CDH13: variants seen among roughly 807,000 people sequenced by gnomAD.
The protein encoded by CDH13 is cadherin-13.
Under a neutral mutation model 63.8 loss-of-function variants are expected in CDH13, and 24 were observed. That is an observed-to-expected ratio of 0.38 (90% CI 0.27 to 0.53). The LOEUF is 0.53. CDH13 is among the 20% of genes least tolerant of loss of function. The pLI, the probability that CDH13 is intolerant of heterozygous loss-of-function variation, is 0.85. For missense variants in CDH13, 1,049 were observed against 903.1 expected, an observed-to-expected ratio of 1.16 and a Z score of -2.07; for synonymous variants, 503 against 355.3, an observed-to-expected ratio of 1.42 and a Z score of -4.67.
intron 1 of CDH13, among the ~76,000 whole-genome samples, chr16:82,852,969 TA>T (rs374374831): frequency 0.034 from 5,198 of 151,522 alleles, 127 homozygotes; most frequent in South Asian, 0.065. Context: ...CCTGTCAGGA[TA>T]AAAAAAAACC....
intron 2 of CDH13, chr16:82,884,146 G>C (rs912512367): frequency 2.2e-5 from 10 of 454,920 alleles, no homozygotes; most frequent in Middle Eastern, 3.3e-4. Context: ...CATGCACGCT[G>C]TTTCTTTCCT....
At chr16:83,522,752 C>T (rs968907649) in intron 7 of CDH13, among the ~76,000 whole-genome samples, 1 of 152,190 alleles carries the variant, frequency 6.6e-6, no homozygotes. Context: ...TGGCATCAGA[C>T]TGGCCTGAAT....
intron 1 of CDH13, chr16:82,723,235 T>C (rs2032889571): frequency 1.3e-5 from 2 of 152,302 alleles, no homozygotes; most frequent in South Asian, 4.1e-4. Context: ...TCCGTGTATG[T>C]AGGTGGCACT....
chr16:82,803,176 C>T (rs754402119), intron 1 of CDH13, among the ~76,000 whole-genome samples: 1 of 152,196 alleles, frequency 6.6e-6, no homozygotes, highest in Non-Finnish European at 1.5e-5. Flanking sequence ...GTCTAGGCTA[C>T]TCTCAGCTTA....
intron 6 of CDH13, among the ~76,000 whole-genome samples, chr16:83,395,713 G>A (rs2091874840): frequency 6.6e-6 from 1 of 152,202 alleles, no homozygotes; most frequent in Admixed American, 6.5e-5. Flanking sequence ...ATATCACATA[G>A]TGGTTGAAAC....
chr16:83,379,124 C>A (rs915464420), intron 6 of CDH13, among the ~76,000 whole-genome samples: 76 of 152,146 alleles, frequency 5.0e-4, no homozygotes, highest in South Asian at 2.1e-4. Context: ...TGTCTTTTGT[C>A]TTCAACCTGG....
intron 3 of CDH13, among the ~76,000 whole-genome samples, chr16:83,033,694 A>G (rs989327720): frequency 1.3e-5 from 2 of 152,194 alleles, no homozygotes; most frequent in African/African-American, 4.8e-5. Flanking sequence ...ACAAACTGCC[A>G]TTCAGGCTTC....
intron 6 of CDH13, among the ~76,000 whole-genome samples, chr16:83,412,479 A>G (rs1183543512): frequency 6.6e-6 from 1 of 152,204 alleles, no homozygotes; most frequent in East Asian, 1.9e-4. Flanking sequence ...AAAAATAAAA[A>G]TGAATAAATA....
chr16:83,570,697 T>G (rs889116232), intron 7 of CDH13, among the ~76,000 whole-genome samples: 3 of 145,962 alleles, frequency 2.1e-5, no homozygotes, highest in African/African-American at 7.5e-5. Context: ...AAATTTAAAT[T>G]TATTATTTAT....
intron 5 of CDH13, among the ~76,000 whole-genome samples, chr16:83,250,714 G>A (rs1905424740): frequency 6.6e-6 from 1 of 152,190 alleles, no homozygotes; most frequent in Admixed American, 6.5e-5. Flanking sequence ...GCAGGACCCA[G>A]ATGATACAGA....
At chr16:82,627,273 G>A (rs1907400100) in intron 1 of CDH13, 136 bp downstream of exon 1, 1 of 741,540 alleles carries the variant, frequency 1.3e-6, no homozygotes, top group African/African-American at 1.7e-5. Context: ...GGGCTCGGTA[G>A]GGAGGTCATT....
chr16:83,678,591 G>C (rs577338580), intron 10 of CDH13, 130 bp downstream of exon 10: 4 of 1,189,354 alleles, frequency 3.4e-6, no homozygotes, highest in Non-Finnish European at 4.7e-6. Context: ...GCAAGTGGGA[G>C]GAAAGCGTCA....
chr16:82,719,811 A>T (rs559308985), intron 1 of CDH13, among the ~76,000 whole-genome samples: 94 of 139,064 alleles, frequency 6.8e-4, no homozygotes, highest in African/African-American at 2.4e-3. Flanking sequence ...ACGCCACTGC[A>T]CTCCAGCCTG....
chr16:82,739,973 C>T (rs571622138), intron 1 of CDH13, among the ~76,000 whole-genome samples: 29 of 152,244 alleles, frequency 1.9e-4, no homozygotes, highest in Non-Finnish European at 4.3e-4. Flanking sequence ...AACTAATTAT[C>T]CCTTAATTTG....
intron 5 of CDH13, among the ~76,000 whole-genome samples, chr16:83,237,321 C>T (rs984709169): frequency 6.6e-6 from 1 of 152,134 alleles, no homozygotes; most frequent in Non-Finnish European, 1.5e-5. Flanking sequence ...TGCTGTCAAG[C>T]AGAAGCTAGT....
chr16:83,084,724 A>G (rs1227330868), intron 3 of CDH13, among the ~76,000 whole-genome samples: 1 of 152,156 alleles, frequency 6.6e-6, no homozygotes, highest in Admixed American at 6.5e-5. Context: ...CCCCGCCTCT[A>G]CTAAAAATAT....
intron 3 of CDH13, among the ~76,000 whole-genome samples, chr16:83,101,704 T>C (rs1567830150): frequency 6.6e-6 from 1 of 152,100 alleles, no homozygotes; most frequent in Non-Finnish European, 1.5e-5. Flanking sequence ...TGAGGAAGGA[T>C]AATCAATTGA....
In CDH13 at chr16:83,014,764, A is replaced by ATATATATGTATATATATATATATTTG. The variant is rs1567745631; in HGVS notation, c.158-17239_158-17238insGTATATATATATATATTTGTATATAT. Among the ~76,000 whole-genome samples the ATATATATGTATATATATATATATTTG allele has an allele frequency of 9.8e-5, 5 of 51,124 alleles. No individual in the cohort carries two copies. The East Asian group carries it at 1.8e-3, about 19-fold the overall frequency. The allele number at this position is 51,124 out of a possible 152,430, so 33.5% of individuals were successfully genotyped here. ...AAAAAATATATATATATATATATAT[A>ATATATATGTATATATATATATATTTG]TATATATATATGTATATATATATAT... On this transcript the variant is annotated intron_variant, in intron 2 of 13. Coordinates refer to ENST00000567109, the MANE Select transcript of CDH13 (RefSeq NM_001257.5).
chr16:83,301,848 CTTAAT>C (rs3052589), intron 5 of CDH13, among the ~76,000 whole-genome samples: 38,571 of 151,352 alleles, frequency 0.25, 5,116 homozygotes, highest in Admixed American at 0.34. Context: ...TACATTTATG[CTTAAT>C]TTAAAGAAAT....
Sources: allele counts gnomAD v4.1 joint callset (sites outside exome capture counted in the v4.1 genomes callset), GRCh38; gene constraint gnomAD v4.1.1; transcripts MANE v1.5; gene names NCBI Gene and HGNC (gene_info 2026-07-23, HGNC 2026-07-21).